The following SPAST variants were observed in gnomAD, a reference collection of about 807,000 sequenced individuals.
SPAST encodes spastin.
Under a neutral mutation model 76.6 loss-of-function variants are expected in SPAST, and 30 were observed. The ratio of observed to expected loss-of-function variants is 0.39; its 90% CI spans 0.29 to 0.53. The LOEUF is 0.53. Ranked by LOEUF, SPAST falls within the 20% of genes least tolerant of loss-of-function variation. The pLI is 0.68. For missense variants in SPAST, 717 were observed against 770.5 expected, an observed-to-expected ratio of 0.93 and a Z score of 0.82; for synonymous variants, 305 against 281.0, an observed-to-expected ratio of 1.09 and a Z score of -0.86.
chr2:32,081,891 C>T (rs1037518715), intron 1 of SPAST, among the ~76,000 whole-genome samples: 2 of 150,482 alleles, frequency 1.3e-5, no homozygotes, highest in Non-Finnish European at 2.9e-5. Context: ...TAATAACCAT[C>T]CTAATGGGCT....
At chr2:32,075,494 G>GAGAT (rs1268901582) in intron 1 of SPAST, among the ~76,000 whole-genome samples, 1 of 100,084 alleles carries the variant, frequency 1.0e-5, no homozygotes. Context: ...AAAAAAAAAA[G>GAGAT]AGATGGAAGT....
At chr2:32,084,452 C>T (rs1162300875) in intron 1 of SPAST, among the ~76,000 whole-genome samples, 1 of 152,020 alleles carries the variant, frequency 6.6e-6, no homozygotes, top group Non-Finnish European at 1.5e-5. Context: ...GCATGAGCCA[C>T]CGCCCCTGGC....
intron 1 of SPAST, among the ~76,000 whole-genome samples, chr2:32,085,807 G>A (rs941023081): frequency 6.1e-4 from 92 of 151,328 alleles, no homozygotes; most frequent in Admixed American, 2.1e-3. Flanking sequence ...TTGGGAGGCC[G>A]AGGTGGGAGG....
Position 32,072,111 on chromosome 2 carries a change from C to T in SPAST, c.415+7865C>T, listed in dbSNP as rs542107966. Among the ~76,000 whole-genome samples, 6 of 152,252 alleles carry T rather than the reference C, an allele frequency of 3.9e-5. No individual in the cohort carries two copies. The East Asian group carries it at 5.8e-4, about 15-fold the overall frequency. ...AGGCTGGAGTGCAGTGGCATGATCT[C>T]GGCTCACTGCAAGCTCCGCCTCCTG... is the stretch of plus-strand genomic sequence containing the variant. On this transcript the variant is annotated intron_variant, in intron 1 of 16. Transcript: ENST00000315285.
At chr2:32,087,397 A>T in intron 1 of SPAST, 95 bp from the exon 2 acceptor site, 1 of 722,130 alleles carries the variant, frequency 1.4e-6, no homozygotes. Flanking sequence ...ACTTGTTCAC[A>T]ACCCTGTTTT....
chr2:32,114,732 C>T lies in SPAST; in HGVS notation c.777C>T (p.Gly259=), dbSNP rs1678758477. ...CAGTTATGAAAACTGGATCTGCAGG[C>T]CTTTCAGGCCACCATAGAGCACCTA... ...SKTVMKTGSA[G]LSGHHRAPSY... The change falls in exon 5 of 17, where the codon GGC becomes GGT. Residue 259 remains glycine, a synonymous_variant. Transcript: ENST00000315285. 1 of 1,613,758 alleles carries T rather than the reference C, an allele frequency of 6.2e-7. No individual in the cohort carries two copies. The highest frequency in any genetic ancestry group is 8.5e-7 in the Non-Finnish European group (1 of 1,179,794).
rs569763472 is a variant in SPAST, at chr2:32,089,439, A to G, written c.503-83A>G. The G allele has an allele frequency of 1.7e-4, 135 of 799,712 alleles. 1 individual carries two copies. In the African/African-American group the frequency reaches 2.2e-3, roughly 13 times the overall value. 49.5% of individuals were successfully genotyped at this position (799,712 alleles called of 1,614,324 possible). Reference sequence around the variant, plus strand: ...TTCTGTATAAAGACTGTGACTCCCCATGAAAGTAGTTTGGGTGATAATTTA... The same window carrying G: ...TTCTGTATAAAGACTGTGACTCCCCGTGAAAGTAGTTTGGGTGATAATTTA... On this transcript the variant is annotated intron_variant, in intron 2 of 16. Coordinates refer to ENST00000315285, the MANE Select transcript of SPAST (RefSeq NM_014946.4).
intron 1 of SPAST, among the ~76,000 whole-genome samples, chr2:32,082,736 C>G (rs938242126): frequency 6.6e-6 from 1 of 152,022 alleles, no homozygotes; most frequent in African/African-American, 2.4e-5. Context: ...GTTTTATCTT[C>G]ACTGCATGTC....
chr2:32,118,976 A>G (rs1381368469), intron 7 of SPAST, among the ~76,000 whole-genome samples: 1 of 152,316 alleles, frequency 6.6e-6, no homozygotes, highest in East Asian at 1.9e-4. Flanking sequence ...TGTGCAATTA[A>G]GAAGCTATAA....
intron 1 of SPAST, among the ~76,000 whole-genome samples, chr2:32,079,738 T>C (rs1677127266): frequency 1.3e-5 from 2 of 152,130 alleles, no homozygotes; most frequent in Admixed American, 6.6e-5. Flanking sequence ...TTTGTACTTT[T>C]TGTAGAGATA....
At chr2:32,107,389 C>G (rs546250221) in intron 4 of SPAST, among the ~76,000 whole-genome samples, 4 of 152,156 alleles carry the variant, frequency 2.6e-5, no homozygotes, top group African/African-American at 7.2e-5. Flanking sequence ...GTAGCTGGGA[C>G]TACAGGCACC....
rs1431895974 is a variant in SPAST, at chr2:32,063,775, G to C, written c.-57G>C. 3 of 1,534,488 alleles carry C rather than the reference G, an allele frequency of 2.0e-6. No individual in the cohort carries two copies. The African/African-American group carries it at 4.1e-5, about 21-fold the overall frequency. ...GTAGCAGTGGCTGCCGCCGTCGCTTGGTTCCCGTCGGTCTGCGGGAGGCGG... is the reference window on the plus strand; with the variant it reads ...GTAGCAGTGGCTGCCGCCGTCGCTTCGTTCCCGTCGGTCTGCGGGAGGCGG... On this transcript the variant is annotated 5_prime_UTR_variant, in exon 1 of 17. Coordinates refer to ENST00000315285, the MANE Select transcript of SPAST (RefSeq NM_014946.4).
At chr2:32,123,463 T>A (rs1679084661) in intron 7 of SPAST, among the ~76,000 whole-genome samples, 1 of 152,140 alleles carries the variant, frequency 6.6e-6, no homozygotes, top group Non-Finnish European at 1.5e-5. Flanking sequence ...CTTCCCAAGT[T>A]CATATATCGA....
At chr2:32,147,878 G>A (rs1265308828) in intron 16 of SPAST, among the ~76,000 whole-genome samples, 1 of 148,326 alleles carries the variant, frequency 6.7e-6, no homozygotes, top group East Asian at 2.0e-4. Flanking sequence ...TGATCTGCCT[G>A]CCTCAGCCTC....
intron 15 of SPAST, among the ~76,000 whole-genome samples, chr2:32,146,851 C>CAAA (rs397984237): frequency 8.8e-4 from 17 of 19,236 alleles, no homozygotes; most frequent in Non-Finnish European, 1.7e-3. Context: ...GACTCTGTCT[C>CAAA]AAAAAAAAAA....
intron 1 of SPAST, among the ~76,000 whole-genome samples, chr2:32,080,934 A>G (rs577616445): frequency 2.6e-5 from 4 of 151,114 alleles, no homozygotes; most frequent in Admixed American, 6.6e-5. Context: ...AGCTAGGACT[A>G]CAGGCACGTG....
intron 1 of SPAST, among the ~76,000 whole-genome samples, chr2:32,075,853 T>TC (rs1289498381): frequency 6.0e-5 from 7 of 117,260 alleles, no homozygotes; most frequent in African/African-American, 1.9e-4. Flanking sequence ...GCTCCCAGAC[T>TC]CCTGGCTTTT....
chr2:32,106,421 A>G (rs539099699), intron 4 of SPAST, among the ~76,000 whole-genome samples: 150 of 152,244 alleles, frequency 9.9e-4, no homozygotes, highest in African/African-American at 1.7e-3. Context: ...AGGTGAGGCA[A>G]TACCCCGCCC....
At chr2:32,110,527 G>C (rs1319471643) in intron 4 of SPAST, among the ~76,000 whole-genome samples, 3 of 47,592 alleles carry the variant, frequency 6.3e-5, no homozygotes, top group African/African-American at 2.3e-4. Flanking sequence ...ATACTATATA[G>C]TGTGTATATA....
Sources: gnomAD v4.1 joint callset for allele counts (sites outside exome capture counted in the v4.1 genomes callset) on GRCh38, gnomAD v4.1.1 for gene constraint, MANE v1.5 for transcripts, NCBI Gene and HGNC (gene_info 2026-07-23, HGNC 2026-07-21) for gene names.